The following TTYH2 variants were observed in gnomAD, a reference collection of about 807,000 sequenced individuals.
The protein encoded by TTYH2 is protein tweety homolog 2.
TTYH2 carries 49 observed loss-of-function variants against 68.3 expected under a neutral mutation model. The observed-to-expected ratio is 0.72, with a 90% CI of 0.57 to 0.91. The LOEUF (loss-of-function observed/expected upper bound fraction) is 0.91. Ranked by LOEUF, TTYH2 falls within the 40% of genes least tolerant of loss-of-function variation. The probability of loss-of-function intolerance (pLI) is 0.00; values close to 1 mark genes in which losing one functional copy is unlikely to be tolerated. For missense variants in TTYH2, 631 were observed against 700.4 expected, an observed-to-expected ratio of 0.90 and a Z score of 1.12; for synonymous variants, 272 against 300.8, an observed-to-expected ratio of 0.90 and a Z score of 0.99.
Position 74,261,244 on chromosome 17 carries a change from TGG to T in TTYH2, c.*1038_*1039del. The stretch of plus-strand genomic sequence containing the variant: ...CATCCTGTCCCAAGCTACTGTTTGG[TGG>T]GGATCTGGGTTCATCTCACCCACAG... On this transcript the variant is annotated 3_prime_UTR_variant, in exon 14 of 14. Transcript: ENST00000269346. The T allele has an allele frequency of 6.6e-6, 1 of 152,170 alleles. No individual in the cohort carries two copies. Among genetic ancestry groups the T allele is most frequent in the African/African-American group, 2.4e-5 (1 of 41,518 alleles). 9.4% of individuals were successfully genotyped at this position (152,170 alleles called of 1,614,324 possible).
rs370120145 is a variant in TTYH2 at position 74,260,167 on chromosome 17, G to A, written c.1563G>A (p.Ala521=). 44 of 1,613,892 alleles carry A rather than the reference G, an allele frequency of 2.7e-5. No individual in the cohort carries two copies. Among genetic ancestry groups the A allele is most frequent in the East Asian group, 6.7e-5 (3 of 44,882 alleles). ...TGAGAGCCACCTACCTGTCTGTGGCGGATGAGCACCTGAGGCACTACGGGA... is the reference window on the plus strand; with the variant it reads ...TGAGAGCCACCTACCTGTCTGTGGCAGATGAGCACCTGAGGCACTACGGGA... ...PSMRATYLSV[A]DEHLRHYGNQ... is the part of the protein sequence containing the mutation. The change falls in exon 14 of 14, where the codon GCG becomes GCA. Residue 521 remains alanine, a synonymous_variant. Transcript: ENST00000269346.
At chr17:74,255,580 T>C (rs974683101) in intron 13 of TTYH2, among the ~76,000 whole-genome samples, 5 of 152,140 alleles carry the variant, frequency 3.3e-5, no homozygotes, top group Non-Finnish European at 7.4e-5. Flanking sequence ...GCCTCCCTAC[T>C]AGCTGGGATT....
At chr17:74,228,048 A>G (rs1567812411) in intron 2 of TTYH2, among the ~76,000 whole-genome samples, 1 of 145,364 alleles carries the variant, frequency 6.9e-6, no homozygotes, top group Non-Finnish European at 1.5e-5. Context: ...AAATGGTGCA[A>G]TCGTTGCTCC....
rs1423092694 is a variant in TTYH2 at position 74,214,250 on chromosome 17, G to A, written c.129+534G>A. Reference sequence around the variant, plus strand: ...TCCCCAGCCCCGGCCTGCAGGGTGGGAGTCTCAGCTGGAAGGCTGCAGGGC... The same window carrying A: ...TCCCCAGCCCCGGCCTGCAGGGTGGAAGTCTCAGCTGGAAGGCTGCAGGGC... On this transcript the variant is annotated intron_variant, in intron 1 of 13. Transcript: ENST00000269346. This position sits in a 1 kb window ranked among gnomAD's most constrained non-coding sequence, Gnocchi z 4.6. 6.6e-6 allele frequency among the ~76,000 whole-genome samples: 1 copy of A among 152,176 alleles called. No homozygotes were observed. Among genetic ancestry groups the A allele is most frequent in the Non-Finnish European group, 1.5e-5 (1 of 68,018 alleles).
At chr17:74,252,737 G>C (rs2050647006) in intron 11 of TTYH2, among the ~76,000 whole-genome samples, 1 of 152,214 alleles carries the variant, frequency 6.6e-6, no homozygotes, top group African/African-American at 2.4e-5. Flanking sequence ...AGGATACATG[G>C]GGTCACTGTT....
intron 2 of TTYH2, among the ~76,000 whole-genome samples, chr17:74,226,030 G>A (rs2050326186): frequency 6.6e-6 from 1 of 152,246 alleles, no homozygotes; most frequent in South Asian, 2.1e-4. Context: ...AAGTTCATCT[G>A]CAGGTTTCTG....
chr17:74,251,199 G>C (rs1315761073), intron 10 of TTYH2, among the ~76,000 whole-genome samples: 1 of 151,812 alleles, frequency 6.6e-6, no homozygotes, highest in East Asian at 1.9e-4. Flanking sequence ...TGCTGTGCAT[G>C]CGTGTGTGTG....
intron 13 of TTYH2, among the ~76,000 whole-genome samples, chr17:74,255,701 T>C (rs922893175): frequency 2.0e-5 from 3 of 151,970 alleles, no homozygotes; most frequent in Admixed American, 2.0e-4. Flanking sequence ...CCTCCCAAAG[T>C]GCTGGGATTA....
chr17:74,234,407 G>A (rs2050421778), intron 3 of TTYH2, among the ~76,000 whole-genome samples: 2 of 152,216 alleles, frequency 1.3e-5, no homozygotes, highest in Admixed American at 1.3e-4. Flanking sequence ...TCCCTGCGGG[G>A]AGTATTATGT....
rs1345930999 is a variant in TTYH2 at position 74,252,276 on chromosome 17, C to T, written c.1159C>T (p.Gln387Ter). The T allele has an allele frequency of 1.9e-6, 3 of 1,613,636 alleles. No individual in the cohort carries two copies. Among genetic ancestry groups the T allele is most frequent in the Non-Finnish European group, 2.5e-6 (3 of 1,180,042 alleles). Residue 387 changes from glutamine to a stop codon, truncating the protein, a stop_gained, in exon 11 of 14, where the codon CAG becomes TAG. Coordinates refer to ENST00000269346, the MANE Select transcript of TTYH2 (RefSeq NM_032646.6). LOFTEE classifies it high-confidence loss of function. ...TGCTGGCATCTGCTACGACGGCCTC[C>T]AGGGCTTGCTGTACCTTGGCCTCTT... is the stretch of plus-strand genomic sequence containing the variant. ...ALAGICYDGL[Q>*]GLLYLGLFSF...
intron 2 of TTYH2, among the ~76,000 whole-genome samples, chr17:74,223,379 G>A (rs1447309817): frequency 6.6e-6 from 1 of 152,050 alleles, no homozygotes; most frequent in Non-Finnish European, 1.5e-5. Context: ...ACCTGCCTCA[G>A]CCTCCAAAAG....
At position 74,252,220 on chromosome 17, in the gene TTYH2, T is replaced by A. The variant is rs751279177; in HGVS notation, c.1117-14T>A. 1.2e-6 allele frequency: 2 copies of A among 1,611,590 alleles called. No individual in the cohort carries two copies. The highest frequency in any genetic ancestry group is 1.7e-6 in the Non-Finnish European group (2 of 1,179,964). ...CGCTCCTTCACTAGCTGCATGTCCC[T>A]CCTCTTCCTCCAGGATTATCTGGAC... On this transcript the variant is annotated splice_polypyrimidine_tract_variant and intron_variant, in intron 10 of 13. Transcript: ENST00000269346.
intron 13 of TTYH2, among the ~76,000 whole-genome samples, chr17:74,259,013 G>T (rs994465614): frequency 6.6e-6 from 1 of 151,670 alleles, no homozygotes. Flanking sequence ...AGGTCCTGTG[G>T]ACAAGATCCC....
intron 11 of TTYH2, among the ~76,000 whole-genome samples, chr17:74,252,816 G>T (rs115187375): frequency 0.016 from 2,414 of 152,300 alleles, 68 homozygotes; most frequent in African/African-American, 0.055. Context: ...CTGGTGAGCG[G>T]ATTAGGCAAG....
chr17:74,215,701 C>T lies in TTYH2; in HGVS notation c.129+1985C>T, dbSNP rs556396812. Reference sequence around the variant, plus strand: ...TGGCTCTGGGTGTTATTTAAGGTGGCTCCTGTTTTTGGTAAGTTCCCCTGT... The same window carrying T: ...TGGCTCTGGGTGTTATTTAAGGTGGTTCCTGTTTTTGGTAAGTTCCCCTGT... On this transcript the variant is annotated intron_variant, in intron 1 of 13. Coordinates refer to ENST00000269346, the MANE Select transcript of TTYH2 (RefSeq NM_032646.6). This position sits in a 1 kb window ranked among gnomAD's most constrained non-coding sequence, Gnocchi z 4.3. The T allele has an allele frequency of 2.6e-6, 4 of 1,533,560 alleles. No individual in the cohort carries two copies. In the South Asian group the frequency reaches 3.6e-5, roughly 14 times the overall value. 95.0% of individuals were successfully genotyped at this position (1,533,560 alleles called of 1,614,324 possible). A position where few individuals can be genotyped will look rare whatever the true frequency, so the allele number is the denominator to read the frequency against.
Position 74,243,972 on chromosome 17 carries a change from C to T in TTYH2, c.732-5C>T, listed in dbSNP as rs762244077. ...TGCCAACGTTGTCGCCTGCCTCTCTCCTAGGATGCTGTGCTGTGGGGCACT... is the reference window on the plus strand; with the variant it reads ...TGCCAACGTTGTCGCCTGCCTCTCTTCTAGGATGCTGTGCTGTGGGGCACT... On this transcript the variant is annotated splice_polypyrimidine_tract_variant and splice_region_variant and intron_variant, in intron 5 of 13. Transcript: ENST00000269346. 4.3e-6 allele frequency: 7 copies of T among 1,611,470 alleles called. No homozygotes were observed. In the Admixed American group the frequency reaches 1.0e-4, roughly 23 times the overall value.
chr17:74,249,669 G>A (rs568217087), intron 8 of TTYH2, among the ~76,000 whole-genome samples: 3 of 152,204 alleles, frequency 2.0e-5, no homozygotes, highest in South Asian at 4.1e-4. Flanking sequence ...CTACTCACAA[G>A]CTCCCAGGTG....
chr17:74,251,421 C>T (rs1043590988), intron 10 of TTYH2, among the ~76,000 whole-genome samples: 3 of 151,986 alleles, frequency 2.0e-5, no homozygotes, highest in African/African-American at 7.3e-5. Flanking sequence ...AAGTGGCTTA[C>T]TGAAGAGTCC....
intron 2 of TTYH2, among the ~76,000 whole-genome samples, chr17:74,225,530 T>C (rs181521734): frequency 6.6e-6 from 1 of 152,108 alleles, no homozygotes; most frequent in East Asian, 1.9e-4. Context: ...GGGACTTGAA[T>C]GTGAAGAAGT....
Sources: allele counts gnomAD v4.1 joint callset (sites outside exome capture counted in the v4.1 genomes callset), GRCh38; gene constraint gnomAD v4.1.1; non-coding constraint Gnocchi (gnomAD v3.1); transcripts MANE v1.5; gene names NCBI Gene and HGNC (gene_info 2026-07-23, HGNC 2026-07-21).